The following KLHDC1 variants were observed in gnomAD, a reference collection of about 807,000 sequenced individuals.
The protein encoded by KLHDC1 is kelch domain containing 1.
A neutral mutation model predicts 68.3 loss-of-function variants in KLHDC1; 53 were observed. The observed-to-expected ratio is 0.78, with a 90% confidence interval of 0.62 to 0.98. The LOEUF (loss-of-function observed/expected upper bound fraction) is 0.98, where lower values mean the gene tolerates loss of function less well. Among genes scored for constraint, KLHDC1 ranks in the 50% least tolerant of loss-of-function variants. The pLI is 0.00. For missense variants in KLHDC1, 470 were observed against 492.3 expected (o/e 0.95, Z 0.43); for synonymous variants, 148 against 159.0 (o/e 0.93, Z 0.52).
intron 6 of KLHDC1, among the ~76,000 whole-genome samples, chr14:49,726,000 A>G (rs949214724): frequency 1.3e-4 from 20 of 152,064 alleles, no homozygotes; most frequent in African/African-American, 4.8e-4. Context: ...GGCGTGGACC[A>G]CCATGCCTGG....
intron 1 of KLHDC1, among the ~76,000 whole-genome samples, chr14:49,705,029 A>C (rs1057189897): frequency 3.3e-5 from 5 of 152,188 alleles, no homozygotes; most frequent in African/African-American, 1.2e-4. Flanking sequence ...GAGGGCCTCT[A>C]ATAGGGGACC....
chr14:49,709,899 A>G, intron 3 of KLHDC1, 73 bp downstream of exon 3: 1 of 739,868 alleles, frequency 1.4e-6, no homozygotes, highest in South Asian at 2.2e-5. Flanking sequence ...ACAAGTTACA[A>G]ATATTTTAAA....
At chr14:49,701,133 G>GA (rs777595430) in intron 1 of KLHDC1, among the ~76,000 whole-genome samples, 3 of 151,346 alleles carry the variant, frequency 2.0e-5, no homozygotes, top group South Asian at 4.2e-4. Flanking sequence ...AGCATATAAG[G>GA]AAAAAAAATA....
chr14:49,702,328 C>G (rs1887931283), intron 1 of KLHDC1, among the ~76,000 whole-genome samples: 1 of 152,044 alleles, frequency 6.6e-6, no homozygotes, highest in Non-Finnish European at 1.5e-5. Flanking sequence ...AGAATTCTGG[C>G]AAAGAGTGTG....
intron 1 of KLHDC1, among the ~76,000 whole-genome samples, chr14:49,697,167 C>T (rs751404657): frequency 1.6e-4 from 25 of 152,258 alleles, no homozygotes; most frequent in Non-Finnish European, 2.4e-4. Flanking sequence ...GATCTCCTGA[C>T]CTCGTGATCC....
chr14:49,718,323 C>T (rs575093783), intron 4 of KLHDC1, among the ~76,000 whole-genome samples: 1 of 152,138 alleles, frequency 6.6e-6, no homozygotes, highest in African/African-American at 2.4e-5. Context: ...CACCTTTGCC[C>T]AGGCAGGAGT....
intron 1 of KLHDC1, chr14:49,700,309 G>A (rs1887868694): frequency 6.1e-6 from 1 of 163,270 alleles, no homozygotes; most frequent in Non-Finnish European, 1.3e-5. Flanking sequence ...CAGGCTGGGT[G>A]TGGTGGCTCA....
rs567820915 is a variant in KLHDC1 at position 49,708,883 on chromosome 14, C to T, written c.97-276C>T. On this transcript the variant is annotated intron_variant, in intron 1 of 12. Coordinates refer to ENST00000359332, the MANE Select transcript of KLHDC1 (RefSeq NM_172193.3). ...CTTATTGTTTTGCTATTTTCTTTTA[C>T]ATAAAGCCCCTTTTAAAGGTTTAAT... is the stretch of plus-strand genomic sequence containing the variant. 5.1e-6 allele frequency: 1 copy of T among 197,158 alleles called. No individual in the cohort carries two copies. The highest frequency in any genetic ancestry group is 1.2e-4 in the East Asian group (1 of 8,312). 12.2% of individuals were successfully genotyped at this position (197,158 alleles called of 1,614,324 possible). A position where few individuals can be genotyped will look rare whatever the true frequency, so the allele number is the denominator to read the frequency against.
chr14:49,735,211 A>G (rs575737103), intron 10 of KLHDC1, among the ~76,000 whole-genome samples: 2 of 152,048 alleles, frequency 1.3e-5, no homozygotes, highest in African/African-American at 2.4e-5. Context: ...ATTATATACT[A>G]TTATTAAACT....
intron 4 of KLHDC1, among the ~76,000 whole-genome samples, chr14:49,717,739 G>T (rs189509365): frequency 6.6e-6 from 1 of 151,894 alleles, no homozygotes; most frequent in Admixed American, 6.6e-5. Context: ...TGGGATTGGT[G>T]TTAATTCTTT....
intron 1 of KLHDC1, among the ~76,000 whole-genome samples, chr14:49,695,159 ATC>A (rs1252299847): frequency 6.7e-5 from 5 of 74,284 alleles, no homozygotes; most frequent in Non-Finnish European, 1.6e-4. Context: ...TTTTGAGACA[ATC>A]TCTCCTGCAA....
intron 4 of KLHDC1, among the ~76,000 whole-genome samples, chr14:49,713,607 C>T (rs1339919027): frequency 6.6e-6 from 1 of 151,052 alleles, no homozygotes; most frequent in Non-Finnish European, 1.5e-5. Flanking sequence ...TGATGTCGGC[C>T]TGCCCTAGTG....
At chr14:49,748,893 T>TG (rs906086997) in intron 12 of KLHDC1, among the ~76,000 whole-genome samples, 3 of 151,568 alleles carry the variant, frequency 2.0e-5, no homozygotes, top group African/African-American at 7.3e-5. Flanking sequence ...CTCCGCCTCC[T>TG]GGGTTCAAGC....
At chr14:49,735,069 C>G (rs1888900367) in intron 10 of KLHDC1, among the ~76,000 whole-genome samples, 1 of 152,046 alleles carries the variant, frequency 6.6e-6, no homozygotes, top group Admixed American at 6.6e-5. Context: ...AGGAAATTTG[C>G]TTCCATGTTG....
intron 10 of KLHDC1, among the ~76,000 whole-genome samples, chr14:49,735,485 TATATGTATC>T (rs1888909785): frequency 1.3e-5 from 2 of 152,182 alleles, no homozygotes; most frequent in East Asian, 3.8e-4. Context: ...TTTATTTTGG[TATATGTATC>T]TATATTAATA....
At chr14:49,729,394 A>T in intron 7 of KLHDC1, 96 bp from the exon 8 acceptor site, 1 of 761,258 alleles carries the variant, frequency 1.3e-6, no homozygotes, top group Non-Finnish European at 2.3e-6. Context: ...AGTAAAATAG[A>T]GATAGTCTAT....
intron 10 of KLHDC1, among the ~76,000 whole-genome samples, chr14:49,739,365 T>C (rs1889006084): frequency 6.6e-6 from 1 of 152,184 alleles, no homozygotes; most frequent in African/African-American, 2.4e-5. Context: ...AAACAGCCAT[T>C]GGTAGTGCAG....
chr14:49,740,060 T>C (rs374719789), intron 10 of KLHDC1, 38 bp from the exon 11 acceptor site: 23 of 1,122,218 alleles, frequency 2.0e-5, no homozygotes, highest in Non-Finnish European at 3.1e-5. Flanking sequence ...GTTTCTCCCA[T>C]GACAGTGTTT....
chr14:49,728,130 C>T (rs1056979514), intron 6 of KLHDC1, among the ~76,000 whole-genome samples: 1 of 152,152 alleles, frequency 6.6e-6, no homozygotes, highest in African/African-American at 2.4e-5. Context: ...TGAGACCAGC[C>T]TGGACAGCAG....
Sources: allele counts gnomAD v4.1 joint callset (sites outside exome capture counted in the v4.1 genomes callset), GRCh38; gene constraint gnomAD v4.1.1; transcripts MANE v1.5; gene names NCBI Gene and HGNC (gene_info 2026-07-23, HGNC 2026-07-21).